The following BIN1 variants were observed in gnomAD, a reference collection of about 807,000 sequenced individuals.
The protein encoded by BIN1 is myc box-dependent-interacting protein 1.
In BIN1, 53 loss-of-function variants were observed where a neutral mutation model predicts 82.0. The observed-to-expected ratio is 0.65, with a 90% CI of 0.52 to 0.81. The LOEUF (loss-of-function observed/expected upper bound fraction) is 0.81, where lower values mean the gene tolerates loss of function less well. Among genes scored for constraint, BIN1 ranks in the 40% least tolerant of loss-of-function variants. The pLI is 0.00. For missense variants in BIN1, 642 were observed against 784.4 expected, an observed-to-expected ratio of 0.82 and a Z score of 2.17; for synonymous variants, 302 against 328.0, an observed-to-expected ratio of 0.92 and a Z score of 0.86.
intron 15 of BIN1, 37 bp downstream of exon 15, chr2:127,052,218 G>A (rs897309095): frequency 1.3e-6 from 2 of 1,545,850 alleles, no homozygotes; most frequent in African/African-American, 2.7e-5. Flanking sequence ...CTAGAGACTG[G>A]GGACAAGCCA....
At chr2:127,088,995 C>A (rs960467562) in intron 1 of BIN1, among the ~76,000 whole-genome samples, 22 of 151,982 alleles carry the variant, frequency 1.4e-4, no homozygotes, top group South Asian at 4.1e-4. Context: ...GCAGGGAGGA[C>A]CAGGAGGCCC....
rs996252420 is a variant in BIN1 at position 127,090,219 on chromosome 2, A to G, written c.85-13513T>C. On this transcript the variant is annotated intron_variant, in intron 1 of 18. Transcript: ENST00000316724. The surrounding 1 kb of genome is among the most constrained non-coding windows in gnomAD (Gnocchi z 6.4). ...CCTTTGGGAAAAGGGTAAACCGACA[A>G]GAGGCCCCATGGAAATCAACCAAAC... 1.3e-5 allele frequency among the ~76,000 whole-genome samples: 2 copies of G among 152,188 alleles called. No homozygotes were observed. Among genetic ancestry groups the G allele is most frequent in the African/African-American group, 4.8e-5 (2 of 41,450 alleles).
Position 127,068,829 on chromosome 2 carries a change from G to A in BIN1, c.519+95C>T. On this transcript the variant is annotated intron_variant, in intron 6 of 18. Transcript: ENST00000316724. This position sits in a 1 kb window ranked among gnomAD's most constrained non-coding sequence, Gnocchi z 4.9. The stretch of plus-strand genomic sequence containing the variant: ...CCCACCCCCAGTTCAGCCACCTGGG[G>A]CCAGGCAGGAGGAAGCCTCCACCCT... 8.0e-7 allele frequency: 1 copy of A among 1,242,356 alleles called. No individual in the cohort carries two copies. 77.0% of individuals were successfully genotyped at this position (1,242,356 alleles called of 1,614,324 possible).
At chr2:127,106,126 C>A (rs1269614773) in intron 1 of BIN1, among the ~76,000 whole-genome samples, 3 of 152,242 alleles carry the variant, frequency 2.0e-5, no homozygotes, top group Non-Finnish European at 2.9e-5. Flanking sequence ...GGCCAGCTCC[C>A]CACCCGGCCG....
rs1685517780 is a variant in BIN1 at position 127,069,016 on chromosome 2, G to A, written c.427C>T (p.Arg143Trp). The A allele has an allele frequency of 6.2e-7, 1 of 1,614,054 alleles. No homozygotes were observed. The highest frequency in any genetic ancestry group is 8.5e-7 in the Non-Finnish European group (1 of 1,180,014). The change falls in exon 6 of 19, where the codon CGG becomes TGG. Residue 143 changes from arginine (R) to tryptophan (W), a missense_variant. Arg to Trp is a moderately radical substitution (Grantham distance 101, BLOSUM62 -3). Coordinates refer to ENST00000316724, the MANE Select transcript of BIN1 (RefSeq NM_139343.3). ...FPDIKSRIAK[R>W]GRKLVDYDSA... The stretch of plus-strand genomic sequence containing the variant: ...TCGTAGTCCACCAGCTTGCGCCCCC[G>A]CTTGGCAATGCGTGACTGGGGCAGA...
rs1685373533 is a variant in BIN1, at chr2:127,068,098, G to C, written c.612+65C>G. ...GATGCCAGCCCTGCATTCCACCGCA[G>C]GGCGAGAGGACAGGACGACAGACCG... On this transcript the variant is annotated intron_variant, in intron 7 of 18. Coordinates refer to ENST00000316724, the MANE Select transcript of BIN1 (RefSeq NM_139343.3). The surrounding 1 kb of genome is among the most constrained non-coding windows in gnomAD (Gnocchi z 4.9). 3 of 1,515,336 alleles carry C rather than the reference G, an allele frequency of 2.0e-6. No homozygotes were observed. Among genetic ancestry groups the C allele is most frequent in the African/African-American group, 2.8e-5 (2 of 72,658 alleles). The allele number at this position is 1,515,336 out of a possible 1,614,324, so 93.9% of individuals were successfully genotyped here. A position where few individuals can be genotyped will look rare whatever the true frequency, so the allele number is the denominator to read the frequency against.
intron 1 of BIN1, among the ~76,000 whole-genome samples, chr2:127,101,833 C>T (rs1317565361): frequency 1.3e-5 from 2 of 152,130 alleles, no homozygotes; most frequent in African/African-American, 2.4e-5. Flanking sequence ...ACACTCACTG[C>T]CCCGGGTCTG....
At chr2:127,051,959 A>G (rs2104875942) in intron 15 of BIN1, among the ~76,000 whole-genome samples, 1 of 152,346 alleles carries the variant, frequency 6.6e-6, no homozygotes. Flanking sequence ...ATTAAATGAG[A>G]AGATTCTGGA....
In BIN1 at chr2:127,068,993, G is replaced by A. The variant is rs550177667; in HGVS notation, c.450C>T (p.Tyr150=). The change falls in exon 6 of 19, where the codon TAC becomes TAT. Residue 150 remains tyrosine, a synonymous_variant. Transcript: ENST00000316724. This position sits in a 1 kb window ranked among gnomAD's most constrained non-coding sequence, Gnocchi z 4.9. Reference sequence around the variant, plus strand: ...ACTCGTAGTGGTGCCGGGCACTGTCGTAGTCCACCAGCTTGCGCCCCCGCT... The same window carrying A: ...ACTCGTAGTGGTGCCGGGCACTGTCATAGTCCACCAGCTTGCGCCCCCGCT... The part of the protein sequence containing the change: ...IAKRGRKLVD[Y]DSARHHYESL... 66 of 1,614,144 alleles carry A rather than the reference G, an allele frequency of 4.1e-5. No individual in the cohort carries two copies. The highest frequency in any genetic ancestry group is 1.6e-4 in the Middle Eastern group (1 of 6,062).
rs533236810 is a variant in BIN1 at position 127,082,862 on chromosome 2, CAGG to C, written c.85-6159_85-6157del. ...GGCCTCCAACAATCTAGGTGCCATG[CAGG>C]AGGCCACAGCAGCCCTGACGAGAGA... On this transcript the variant is annotated intron_variant, in intron 1 of 18. Transcript: ENST00000316724. This position sits in a 1 kb window ranked among gnomAD's most constrained non-coding sequence, Gnocchi z 6.1. Among the ~76,000 whole-genome samples the C allele has an allele frequency of 2.0e-5, 3 of 151,754 alleles. No homozygotes were observed. The South Asian group carries it at 6.3e-4, about 32-fold the overall frequency.
rs367985558 is a variant in BIN1, at chr2:127,058,787, G to A, written c.1002+224C>T. On this transcript the variant is annotated intron_variant, in intron 11 of 18. Transcript: ENST00000316724. Reference sequence around the variant, plus strand: ...GGGAGGGCGCTGCAGTGGGGGTGGGGGCTGGGGAGGAGCGAGCAAGTCACA... The same window carrying A: ...GGGAGGGCGCTGCAGTGGGGGTGGGAGCTGGGGAGGAGCGAGCAAGTCACA... Among the ~76,000 whole-genome samples, 496 of 152,238 alleles carry A rather than the reference G, an allele frequency of 3.3e-3. 5 individuals are homozygous for A. Among genetic ancestry groups the A allele is most frequent in the African/African-American group, 1.0e-2 (414 of 41,558 alleles).
intron 7 of BIN1, among the ~76,000 whole-genome samples, chr2:127,066,736 G>T (rs912975019): frequency 6.6e-6 from 1 of 152,166 alleles, no homozygotes; most frequent in Middle Eastern, 3.2e-3. Flanking sequence ...TCCAAAGTCA[G>T]CCTTGGCCTA....
At chr2:127,050,940 GCAGGGAGGTGGTC>G in intron 16 of BIN1, 28 bp from the exon 17 acceptor site, 1 of 1,607,424 alleles carries the variant, frequency 6.2e-7, no homozygotes, top group Non-Finnish European at 8.5e-7. Context: ...GGTCAGCTGA[GCAGGGAGGTGGTC>G]CAGGGACAGC....
chr2:127,094,911 G>A (rs1248385384), intron 1 of BIN1, among the ~76,000 whole-genome samples: 2 of 152,180 alleles, frequency 1.3e-5, no homozygotes, highest in Non-Finnish European at 2.9e-5. Flanking sequence ...AATTGGGGAG[G>A]TTGACCCCCT....
chr2:127,106,306 C>A (rs1198823018), intron 1 of BIN1, among the ~76,000 whole-genome samples: 1 of 152,252 alleles, frequency 6.6e-6, no homozygotes, highest in Admixed American at 6.5e-5. Context: ...GAAACCCAAT[C>A]CCTCCTTCGG....
chr2:127,104,875 T>TG (rs1680833319), intron 1 of BIN1, among the ~76,000 whole-genome samples: 3 of 152,186 alleles, frequency 2.0e-5, no homozygotes, highest in Admixed American at 1.3e-4. Flanking sequence ...ATGATGGTCA[T>TG]GCTGCCTTGG....
intron 17 of BIN1, 30 bp from the exon 18 acceptor site, chr2:127,050,552 C>T (rs1009023363): frequency 1.2e-6 from 2 of 1,611,780 alleles, no homozygotes; most frequent in South Asian, 1.1e-5. Flanking sequence ...CAAGTCAGAC[C>T]TTCCGTCCCA....
chr2:127,075,571 A>G (rs987947372), intron 2 of BIN1, among the ~76,000 whole-genome samples: 44 of 152,080 alleles, frequency 2.9e-4, no homozygotes, highest in African/African-American at 1.4e-4. Flanking sequence ...GGGCTCCCCA[A>G]TCCCTGTCCA....
Position 127,057,256 on chromosome 2 carries a change from C to A in BIN1, c.1131+217G>T, listed in dbSNP as rs116466976. Among the ~76,000 whole-genome samples the A allele has an allele frequency of 2.0e-5, 3 of 152,374 alleles. No individual in the cohort carries two copies. The highest frequency in any genetic ancestry group is 7.2e-5 in the African/African-American group (3 of 41,590). Reference sequence around the variant, plus strand: ...GCCGGGAGAGGCGGCACCTTCCCCTCTGTGGCCCTGCATCTGGCCTTAGTA... The same window carrying A: ...GCCGGGAGAGGCGGCACCTTCCCCTATGTGGCCCTGCATCTGGCCTTAGTA... On this transcript the variant is annotated intron_variant, in intron 12 of 18. Coordinates refer to ENST00000316724, the MANE Select transcript of BIN1 (RefSeq NM_139343.3). The surrounding 1 kb of genome is among the most constrained non-coding windows in gnomAD (Gnocchi z 5.0).
Sources: gnomAD v4.1 joint callset for allele counts (sites outside exome capture counted in the v4.1 genomes callset) on GRCh38, gnomAD v4.1.1 for gene constraint, Gnocchi (gnomAD v3.1) non-coding constraint, MANE v1.5 for transcripts, NCBI Gene and HGNC (gene_info 2026-07-23, HGNC 2026-07-21) for gene names.